UBXN6: variants seen among roughly 807,000 people sequenced by gnomAD.
The protein encoded by UBXN6 is UBX domain protein 6.
A neutral mutation model predicts 51.4 loss-of-function variants in UBXN6; 44 were observed. The observed-to-expected ratio is 0.86, with a 90% CI of 0.67 to 1.10. The LOEUF (loss-of-function observed/expected upper bound fraction) is 1.10. UBXN6 is among the 50% of genes least tolerant of loss of function. The pLI is 0.00. For missense variants in UBXN6, 672 were observed against 596.1 expected, an observed-to-expected ratio of 1.13 and a Z score of -1.32; for synonymous variants, 316 against 263.2, an observed-to-expected ratio of 1.20 and a Z score of -1.94.
At chr19:4,450,455 T>C (rs1439940695) in intron 4 of UBXN6, 1 of 151,862 alleles carries the variant, frequency 6.6e-6, no homozygotes, top group Non-Finnish European at 1.5e-5. Flanking sequence ...AAAGCCTAAA[T>C]TGCCTAATAT....
chr19:4,453,896 C>A (rs781404101), intron 2 of UBXN6, 34 bp downstream of exon 2: 18 of 1,598,378 alleles, frequency 1.1e-5, no homozygotes, highest in Non-Finnish European at 1.5e-5. Context: ...CCTCAAACAG[C>A]CCCAACCTGG....
chr19:4,448,420 G>A lies in UBXN6; in HGVS notation c.442-5C>T. ...CACTGGGTCGGTGGAGAAGTGCTGGGAGGAGGGAAGCAGGGAAAGCCACTC... is the reference window on the plus strand; with the variant it reads ...CACTGGGTCGGTGGAGAAGTGCTGGAAGGAGGGAAGCAGGGAAAGCCACTC... On this transcript the variant is annotated splice_polypyrimidine_tract_variant and splice_region_variant and intron_variant, in intron 4 of 10. Transcript: ENST00000301281. The A allele has an allele frequency of 6.2e-7, 1 of 1,602,324 alleles. No homozygotes were observed. The highest frequency in any genetic ancestry group is 8.5e-7 in the Non-Finnish European group (1 of 1,175,328).
At chr19:4,445,678 A>T (rs1269597314) in intron 10 of UBXN6, 55 bp from the exon 11 acceptor site, 1 of 1,584,026 alleles carries the variant, frequency 6.3e-7, no homozygotes. Context: ...TTGCCGCGGC[A>T]GGGAACTCAG....
chr19:4,448,228 T>G, intron 5 of UBXN6, 90 bp downstream of exon 5: 6 of 1,192,668 alleles, frequency 5.0e-6, no homozygotes, highest in Non-Finnish European at 7.2e-6. Flanking sequence ...CAGCAGGTAA[T>G]GAGGGGGCCA....
chr19:4,446,449 G>C (rs760010141), intron 8 of UBXN6, 36 bp from the exon 9 acceptor site: 10 of 1,581,474 alleles, frequency 6.3e-6, no homozygotes, highest in Non-Finnish European at 8.6e-6. Flanking sequence ...GGCTGGCCGG[G>C]GTTCTTCCAC....
rs1414906854 is a variant in UBXN6 at position 4,445,427 on chromosome 19, G to T, written c.*71C>A. 7 of 1,598,622 alleles carry T rather than the reference G, an allele frequency of 4.4e-6. No homozygotes were observed. The highest frequency in any genetic ancestry group is 5.1e-6 in the Non-Finnish European group (6 of 1,170,220). On this transcript the variant is annotated 3_prime_UTR_variant, in exon 11 of 11. Coordinates refer to ENST00000301281, the MANE Select transcript of UBXN6 (RefSeq NM_025241.3). ...TTTCCAGAGGTGGCTTGGAGGCCCTGGGGTGGCGGGGAGAGGAACAGGGAG... is the reference window on the plus strand; with the variant it reads ...TTTCCAGAGGTGGCTTGGAGGCCCTTGGGTGGCGGGGAGAGGAACAGGGAG...
chr19:4,453,359 C>T, intron 3 of UBXN6, 99 bp downstream of exon 3: 1 of 1,363,784 alleles, frequency 7.3e-7, no homozygotes, highest in Admixed American at 2.1e-5. Flanking sequence ...TTTCCAACAG[C>T]CCTTGAGCCC....
rs1974479096 is a variant in UBXN6, at chr19:4,445,198, TG to T, written c.*299del. 2.7e-6 allele frequency: 1 copy of T among 375,090 alleles called. No individual in the cohort carries two copies. Among genetic ancestry groups the T allele is most frequent in the South Asian group, 2.5e-5 (1 of 40,134 alleles). 23.2% of individuals were successfully genotyped at this position (375,090 alleles called of 1,614,324 possible). A position where few individuals can be genotyped will look rare whatever the true frequency, so the allele number is the denominator to read the frequency against. Reference sequence around the variant, plus strand: ...AGGCCTGCTCTCCTGCCCAGGGAGATGCCACGTGTGTCTGTCCGGCAGCTTC... The same window carrying T: ...AGGCCTGCTCTCCTGCCCAGGGAGATCCACGTGTGTCTGTCCGGCAGCTTC... On this transcript the variant is annotated 3_prime_UTR_variant, in exon 11 of 11. Transcript: ENST00000301281.
intron 1 of UBXN6, chr19:4,454,972 G>T (rs1001634513): frequency 6.5e-6 from 1 of 154,058 alleles, no homozygotes. Context: ...CTCGTGGCGG[G>T]ACCCTGGGGA....
At chr19:4,457,875 C>A, upstream of UBXN6, 1 of 415,696 alleles carries the variant, frequency 2.4e-6, no homozygotes, top group Non-Finnish European at 4.1e-6. Flanking sequence ...ACGTGACAAT[C>A]GACTAGACGT....
intron 4 of UBXN6, chr19:4,450,221 CAA>C (rs537622437): frequency 2.0e-4 from 10 of 49,190 alleles, no homozygotes; most frequent in Admixed American, 2.1e-4. Flanking sequence ...GACTCTGTCT[CAA>C]AAAAAAAAAA....
intron 1 of UBXN6, among the ~76,000 whole-genome samples, chr19:4,457,136 C>T (rs1291287825): frequency 1.3e-5 from 2 of 152,122 alleles, no homozygotes; most frequent in Non-Finnish European, 2.9e-5. Flanking sequence ...CCTAGATTGC[C>T]CCAAATCATC....
At chr19:4,447,122 C>T in intron 6 of UBXN6, 1 of 609,932 alleles carries the variant, frequency 1.6e-6, no homozygotes, top group Non-Finnish European at 2.9e-6. Flanking sequence ...CAGCTCTGCA[C>T]AGAGGAAAGA....
chr19:4,449,603 T>A (rs967832405), intron 4 of UBXN6: 1 of 152,302 alleles, frequency 6.6e-6, no homozygotes, highest in Non-Finnish European at 1.5e-5. Context: ...AAGGGAAGCG[T>A]GTCAGCTCCA....
rs535804378 is a variant in UBXN6, at chr19:4,450,725, C to T, written c.441+1639G>A. On this transcript the variant is annotated intron_variant, in intron 4 of 10. Coordinates refer to ENST00000301281, the MANE Select transcript of UBXN6 (RefSeq NM_025241.3). ...AGTGAGCAGAGATGGCGCCACTGCA[C>T]TCCAGCCTGGGCGACAGAGCGAGAC... 9 of 125,238 alleles carry T rather than the reference C, an allele frequency of 7.2e-5. No individual in the cohort carries two copies. In the East Asian group the frequency reaches 1.1e-3, roughly 15 times the overall value. 7.8% of individuals were successfully genotyped at this position (125,238 alleles called of 1,614,324 possible). A position where few individuals can be genotyped will look rare whatever the true frequency, so the allele number is the denominator to read the frequency against.
chr19:4,457,647 C>A lies in UBXN6; in HGVS notation c.51G>T (p.Ala17=). ...ACTCTTTGAGCTTCTGACCGGGTCC[C>A]GCGCTCTTGAACTTGATGTCGGCCT... The part of the protein sequence containing the change: ...EFKADIKFKS[A]GPGQKLKESV... The change falls in exon 1 of 11, where the codon GCG becomes GCT. Residue 17 remains alanine (A), a synonymous_variant. Transcript: ENST00000301281. 6.2e-7 allele frequency: 1 copy of A among 1,602,870 alleles called. No individual in the cohort carries two copies. The highest frequency in any genetic ancestry group is 1.1e-5 in the South Asian group (1 of 90,518).
At chr19:4,454,931 G>A (rs1974718508) in intron 1 of UBXN6, 1 of 152,388 alleles carries the variant, frequency 6.6e-6, no homozygotes, top group African/African-American at 2.4e-5. Flanking sequence ...GGGACAGGAA[G>A]TCCGGGCGAT....
Position 4,445,215 on chromosome 19 carries a change from C to T in UBXN6, c.*283G>A, listed in dbSNP as rs1233380040. The T allele has an allele frequency of 8.3e-5, 34 of 408,756 alleles. No individual in the cohort carries two copies. Among genetic ancestry groups the T allele is most frequent in the Non-Finnish European group, 1.3e-4 (29 of 220,374 alleles). 25.3% of individuals were successfully genotyped at this position (408,756 alleles called of 1,614,324 possible). A position where few individuals can be genotyped will look rare whatever the true frequency, so the allele number is the denominator to read the frequency against. Reference sequence around the variant, plus strand: ...CAGGGAGATGCCACGTGTGTCTGTCCGGCAGCTTCATGACACAGTTACCAA... The same window carrying T: ...CAGGGAGATGCCACGTGTGTCTGTCTGGCAGCTTCATGACACAGTTACCAA... On this transcript the variant is annotated 3_prime_UTR_variant, in exon 11 of 11. Coordinates refer to ENST00000301281, the MANE Select transcript of UBXN6 (RefSeq NM_025241.3).
chr19:4,454,198 C>T, intron 1 of UBXN6, 105 bp from the exon 2 acceptor site: 1 of 1,285,364 alleles, frequency 7.8e-7, no homozygotes, highest in Non-Finnish European at 1.1e-6. Context: ...CACCATCAGC[C>T]AGACGTGTCC....
Sources: allele counts gnomAD v4.1 joint callset (sites outside exome capture counted in the v4.1 genomes callset), GRCh38; gene constraint gnomAD v4.1.1; transcripts MANE v1.5; gene names NCBI Gene and HGNC (gene_info 2026-07-23, HGNC 2026-07-21).